Variants in XKR6 observed in about 807,000 individuals in gnomAD.
XKR6 encodes XK-related protein 6.
XKR6 carries 22 observed loss-of-function variants against 56.7 expected under a neutral mutation model. The observed-to-expected ratio is 0.39, with a 90% CI of 0.28 to 0.55. XKR6 has a LOEUF of 0.55. XKR6 is among the 20% of genes least tolerant of loss of function. XKR6 has a pLI of 0.66. For synonymous variants in XKR6, 524 were observed against 387.8 expected, an observed-to-expected ratio of 1.35 and a Z score of -4.13; for missense variants, 852 against 889.0, an observed-to-expected ratio of 0.96 and a Z score of 0.53.
In XKR6 at chr8:10,898,600, G is replaced by A. The variant is rs766286354; in HGVS notation, c.1278C>T (p.Tyr426=). 2 of 1,613,974 alleles carry A rather than the reference G, an allele frequency of 1.2e-6. No individual in the cohort carries two copies. The highest frequency in any genetic ancestry group is 1.7e-6 in the Non-Finnish European group (2 of 1,180,028). The change falls in exon 3 of 3, where the codon TAC becomes TAT. Residue 426 remains tyrosine (Y), a synonymous_variant. Transcript: ENST00000416569. This position sits in a 1 kb window ranked among gnomAD's most constrained non-coding sequence, Gnocchi z 6.6. ...ILFNMVVGIV[Y]IFCWFNVKEG... ...CCTTGACGTTAAACCAGCAGAAAAT[G>A]TACACGATCCCTACCACCATGTTGA...
At chr8:10,998,824 G>T (rs1053238078) in intron 1 of XKR6, among the ~76,000 whole-genome samples, 1 of 152,192 alleles carries the variant, frequency 6.6e-6, no homozygotes, top group Non-Finnish European at 1.5e-5. Context: ...AGATCCCACA[G>T]ATTCTGTTCC....
chr8:10,910,009 A>G (rs1800304615), intron 2 of XKR6, among the ~76,000 whole-genome samples: 1 of 152,006 alleles, frequency 6.6e-6, no homozygotes, highest in South Asian at 2.1e-4. Flanking sequence ...TTCAGTTTAC[A>G]ACACCCAGAA....
At chr8:11,005,469 T>G (rs1331828244) in intron 1 of XKR6, among the ~76,000 whole-genome samples, 1 of 151,998 alleles carries the variant, frequency 6.6e-6, no homozygotes, top group Non-Finnish European at 1.5e-5. Flanking sequence ...AAGATGAAAA[T>G]GTTCTGGAAA....
intron 1 of XKR6, among the ~76,000 whole-genome samples, chr8:11,033,324 A>G (rs960264724): frequency 6.8e-6 from 1 of 147,756 alleles, no homozygotes; most frequent in African/African-American, 2.6e-5. Context: ...TGATGACGAT[A>G]GTGATGGTGA....
chr8:11,167,711 C>G (rs909287942), intron 1 of XKR6, among the ~76,000 whole-genome samples: 5 of 152,132 alleles, frequency 3.3e-5, no homozygotes, highest in Non-Finnish European at 7.3e-5. Flanking sequence ...AGACACAAGT[C>G]TGGCTCACTA....
intron 1 of XKR6, chr8:11,195,288 C>T (rs77618167): frequency 1.6e-5 from 10 of 638,306 alleles, no homozygotes; most frequent in Middle Eastern, 2.6e-4. Flanking sequence ...TTACACCTTT[C>T]ATTCTTTTAG....
At chr8:11,171,522 T>C (rs998540021) in intron 1 of XKR6, among the ~76,000 whole-genome samples, 2 of 152,162 alleles carry the variant, frequency 1.3e-5, no homozygotes, top group Admixed American at 1.3e-4. Context: ...CCCTTGGGTA[T>C]AGGGAGTTAA....
intron 1 of XKR6, among the ~76,000 whole-genome samples, chr8:10,941,803 A>G (rs1050843801): frequency 3.3e-5 from 5 of 152,122 alleles, no homozygotes; most frequent in Non-Finnish European, 5.9e-5. Context: ...GAACATGTCA[A>G]ATGCAACCCT....
intron 1 of XKR6, among the ~76,000 whole-genome samples, chr8:11,009,946 T>G (rs1210376312): frequency 1.3e-5 from 2 of 152,238 alleles, no homozygotes. Flanking sequence ...TAAATTAAAG[T>G]GTTTATCAAA....
At chr8:11,143,353 A>G (rs1800802275) in intron 1 of XKR6, among the ~76,000 whole-genome samples, 1 of 152,208 alleles carries the variant, frequency 6.6e-6, no homozygotes, top group African/African-American at 2.4e-5. Flanking sequence ...TAAAACACAC[A>G]AAAAAGAAAA....
intron 1 of XKR6, chr8:11,108,159 C>T (rs1036918420): frequency 1.8e-5 from 7 of 385,420 alleles, no homozygotes; most frequent in South Asian, 5.9e-5. Context: ...ATCAGATAAT[C>T]GGGTGCATCT....
chr8:11,187,912 G>C (rs1803359639), intron 1 of XKR6, among the ~76,000 whole-genome samples: 1 of 152,190 alleles, frequency 6.6e-6, no homozygotes, highest in South Asian at 2.1e-4. Flanking sequence ...ATAATGCTGA[G>C]CGCAAGTTTC....
chr8:11,156,043 C>G (rs1374446292), intron 1 of XKR6, among the ~76,000 whole-genome samples: 1 of 152,166 alleles, frequency 6.6e-6, no homozygotes, highest in Admixed American at 6.5e-5. Flanking sequence ...TAAACACATT[C>G]AAGTCTCTCC....
chr8:11,177,391 G>C (rs1027706314), intron 1 of XKR6, among the ~76,000 whole-genome samples: 1 of 152,172 alleles, frequency 6.6e-6, no homozygotes, highest in Admixed American at 6.5e-5. Context: ...CTGACACTGG[G>C]TCAACTACAA....
chr8:11,043,036 G>T (rs1215073922), intron 1 of XKR6, among the ~76,000 whole-genome samples: 1 of 152,148 alleles, frequency 6.6e-6, no homozygotes, highest in Non-Finnish European at 1.5e-5. Context: ...GCCAGCCCTG[G>T]GGGGCTGGGG....
At chr8:10,931,588 A>G (rs1468976107) in intron 1 of XKR6, among the ~76,000 whole-genome samples, 4 of 152,314 alleles carry the variant, frequency 2.6e-5, no homozygotes, top group East Asian at 1.9e-4. Context: ...AGAGTCCGGA[A>G]GAAGACCCAT....
chr8:10,916,362 C>G (rs896281767), intron 2 of XKR6, among the ~76,000 whole-genome samples: 1 of 152,196 alleles, frequency 6.6e-6, no homozygotes, highest in African/African-American at 2.4e-5. Context: ...CCTATTTTAA[C>G]CAAGATCCCA....
rs1202945545 is a variant in XKR6, at chr8:11,139,366, A to G, written c.764+61210T>C. ...GGTAGGGAGGCAGTGACCAGGCCCC[A>G]GCAGTCACTGCCCCTGCACCAGCCA... On this transcript the variant is annotated intron_variant, in intron 1 of 2. Transcript: ENST00000416569. 3.3e-5 allele frequency among the ~76,000 whole-genome samples: 5 copies of G among 152,312 alleles called. No individual in the cohort carries two copies. The East Asian group carries it at 9.6e-4, about 29-fold the overall frequency.
intron 1 of XKR6, among the ~76,000 whole-genome samples, chr8:11,186,210 T>C (rs1057044728): frequency 8.1e-6 from 1 of 123,628 alleles, no homozygotes; most frequent in Admixed American, 8.0e-5. Flanking sequence ...CACTTTAATC[T>C]GGAAGGTACC....
Sources: gnomAD v4.1 joint callset for allele counts (sites outside exome capture counted in the v4.1 genomes callset) on GRCh38, gnomAD v4.1.1 for gene constraint, Gnocchi (gnomAD v3.1) non-coding constraint, MANE v1.5 for transcripts, NCBI Gene and HGNC (gene_info 2026-07-23, HGNC 2026-07-21) for gene names.